Variants in RASSF1 observed in about 807,000 individuals in gnomAD.
RASSF1 encodes the protein Ras association domain family member 1.
A neutral mutation model predicts 34.3 loss-of-function variants in RASSF1; 33 were observed. The observed-to-expected ratio is 0.96, with a 90% confidence interval of 0.73 to 1.29. The LOEUF is 1.29. Ranked by LOEUF, RASSF1 falls within the 50% of genes most tolerant of loss-of-function variation. RASSF1 has a pLI of 0.00. For synonymous variants in RASSF1, 191 were observed against 195.0 expected, an observed-to-expected ratio of 0.98 and a Z score of 0.17; for missense variants, 445 against 471.8, an observed-to-expected ratio of 0.94 and a Z score of 0.53.
chr3:50,337,992 G>A lies in RASSF1; in HGVS notation c.270C>T (p.His90=), dbSNP rs960358485. ...GGCAGACGAGCGCGCGGCAGCGGTA[G>A]TGGCAGGTGAACTTGCAATCTGCAG... ...LQCAHCKFTC[H]YRCRALVCLD... The change falls in exon 2 of 6, where the codon CAC becomes CAT. Residue 90 remains histidine, a synonymous_variant. Transcript: ENST00000359365. 1 of 1,598,012 alleles carries A rather than the reference G, an allele frequency of 6.3e-7. No homozygotes were observed. The highest frequency in any genetic ancestry group is 1.3e-5 in the African/African-American group (1 of 74,860).
At position 50,335,103 on chromosome 3, in the gene RASSF1, C is replaced by T. The variant is rs587712541; in HGVS notation, c.357+2802G>A. Among the ~76,000 whole-genome samples the T allele has an allele frequency of 5.3e-5, 8 of 152,136 alleles. No homozygotes were observed. The South Asian group carries it at 1.7e-3, about 32-fold the overall frequency. On this transcript the variant is annotated intron_variant, in intron 2 of 5. Transcript: ENST00000359365. ...AGCTGGGATTACAGGTGCCTGCCAC[C>T]ACAACTGGCTAATTTTTTGTATTTT...
At chr3:50,338,271 A>C in intron 1 of RASSF1, 2 of 1,182,308 alleles carry the variant, frequency 1.7e-6, no homozygotes, top group Non-Finnish European at 2.1e-6. Context: ...CCCTTTCCTC[A>C]TTGGCAATTA....
At chr3:50,337,588 G>A in intron 2 of RASSF1, 10 of 1,311,878 alleles carry the variant, frequency 7.6e-6, no homozygotes, top group Non-Finnish European at 1.0e-5. Context: ...ACAGGGAACG[G>A]GGGCGGGTGC....
Position 50,331,753 on chromosome 3 carries a change from C to G in RASSF1, c.566G>C (p.Arg189Pro), listed in dbSNP as rs751478417. The change falls in exon 4 of 6, where the codon CGG becomes CCG. Residue 189 changes from arginine to proline, a missense_variant. Arg to Pro is a moderately radical substitution (Grantham distance 103). Transcript: ENST00000359365. Reference sequence around the variant, plus strand: ...ACTTGTGCCCCGTCCTGGGCCCCGCCGGGCATCCTGCAAGGAGGGTGGCTT... The same window carrying G: ...ACTTGTGCCCCGTCCTGGGCCCCGCGGGGCATCCTGCAAGGAGGGTGGCTT... ...SKKPPSLQDA[R>P]RGPGRGTSVR... 3.7e-6 allele frequency: 6 copies of G among 1,610,196 alleles called. No homozygotes were observed. The highest frequency in any genetic ancestry group is 3.4e-6 in the Non-Finnish European group (4 of 1,177,044).
intron 2 of RASSF1, chr3:50,337,652 A>T: frequency 1.1e-6 from 1 of 920,684 alleles, no homozygotes; most frequent in Non-Finnish European, 1.6e-6. Flanking sequence ...GAGGGCGGGA[A>T]GGTGCGGGAA....
chr3:50,336,930 G>C, intron 2 of RASSF1: 1 of 571,898 alleles, frequency 1.7e-6, no homozygotes. Context: ...CCATACAGCT[G>C]CTTTTTCCGT....
At chr3:50,337,019 GT>G (rs1210653839) in intron 2 of RASSF1, 18 of 1,096,150 alleles carry the variant, frequency 1.6e-5, no homozygotes, top group Non-Finnish European at 2.0e-5. Flanking sequence ...CTTACGCACG[GT>G]TCCGCGGGCA....
Position 50,337,965 on chromosome 3 carries a change from C to T in RASSF1, c.297G>A (p.Leu99=), listed in dbSNP as rs1703224966. 3.1e-6 allele frequency: 5 copies of T among 1,610,524 alleles called. No individual in the cohort carries two copies. Among genetic ancestry groups the T allele is most frequent in the African/African-American group, 1.3e-5 (1 of 75,000 alleles). Residue 99 remains leucine, a synonymous_variant, in exon 2 of 6, where the codon CTG becomes CTA. Coordinates refer to ENST00000359365, the MANE Select transcript of RASSF1 (RefSeq NM_007182.5). ...CHYRCRALVC[L]DCCGPRDLGW... The stretch of plus-strand genomic sequence containing the variant: ...CCAGGTCCCGGGGCCCGCAACAGTC[C>T]AGGCAGACGAGCGCGCGGCAGCGGT...
At position 50,331,680 on chromosome 3, in the gene RASSF1, G is replaced by GT; in HGVS notation, c.638dup (p.His213GlnfsTer12). ...CCCTTGTGCGTGACAGCACATGCAGGTGCTTGACAGCATCCTTGGGCAGGT... is the reference window on the plus strand; with the variant it reads ...CCCTTGTGCGTGACAGCACATGCAGGTTGCTTGACAGCATCCTTGGGCAGGT... On this transcript the variant is annotated frameshift_variant, in exon 4 of 6. Coordinates refer to ENST00000359365, the MANE Select transcript of RASSF1 (RefSeq NM_007182.5). LOFTEE classifies it high-confidence loss of function. The GT allele has an allele frequency of 6.2e-7, 1 of 1,613,386 alleles. No homozygotes were observed.
At chr3:50,337,151 G>A (rs965947686) in intron 2 of RASSF1, 15 of 1,591,204 alleles carry the variant, frequency 9.4e-6, no homozygotes, top group African/African-American at 1.3e-5. Context: ...CCTCCCGCCC[G>A]CCGGCACCCC....
chr3:50,337,046 C>A, intron 2 of RASSF1: 1 of 1,271,738 alleles, frequency 7.9e-7, no homozygotes, highest in Non-Finnish European at 1.0e-6. Context: ...CCGGCCAGGA[C>A]CCGCGGGGAG....
chr3:50,337,586 C>CG lies in RASSF1; in HGVS notation c.357+318dup, dbSNP rs1240795675. 3 of 1,316,718 alleles carry CG rather than the reference C, an allele frequency of 2.3e-6. No individual in the cohort carries two copies. The African/African-American group carries it at 4.4e-5, about 19-fold the overall frequency. The allele number at this position is 1,316,718 out of a possible 1,614,324, so 81.6% of individuals were successfully genotyped here. On this transcript the variant is annotated intron_variant, in intron 2 of 5. Transcript: ENST00000359365. ...CACAGACCCCACCTACCACAGGGAA[C>CG]GGGGGCGGGTGCCAGCGTCCGGGCA...
chr3:50,334,721 C>G (rs1478543325), intron 2 of RASSF1, among the ~76,000 whole-genome samples: 1 of 152,200 alleles, frequency 6.6e-6, no homozygotes, highest in African/African-American at 2.4e-5. Flanking sequence ...CCAGCCCCTT[C>G]CCTTCTGGTG....
rs1238165268 is a variant in RASSF1, at chr3:50,340,670, G to A, written c.136C>T (p.Leu46=). ...AAGCGGTGGCCACGGCCAGGGACCA[G>A]CTGCCGTGTGGGGTTGCACGCGGTG... ...RGTACNPTRQ[L]VPGRGHRFQP... The change falls in exon 1 of 6, where the codon CTG becomes TTG. Residue 46 remains leucine (L), a synonymous_variant. Transcript: ENST00000359365. 2.0e-6 allele frequency: 3 copies of A among 1,533,890 alleles called. No homozygotes were observed. The highest frequency in any genetic ancestry group is 2.6e-6 in the Non-Finnish European group (3 of 1,150,654).
At chr3:50,337,193 G>A (rs751615589) in intron 2 of RASSF1, 1 of 1,612,062 alleles carries the variant, frequency 6.2e-7, no homozygotes, top group Non-Finnish European at 8.5e-7. Flanking sequence ...CGCGGCCTGC[G>A]AGCTAGCGAG....
chr3:50,338,597 A>G (rs1703252362), intron 1 of RASSF1, among the ~76,000 whole-genome samples: 1 of 152,310 alleles, frequency 6.6e-6, no homozygotes, highest in South Asian at 2.1e-4. Flanking sequence ...GGGAACGTAT[A>G]TGGAATACAT....
rs1702956740 is a variant in RASSF1, at chr3:50,331,812, C to T, written c.507G>A (p.Lys169=). Residue 169 remains lysine, a synonymous_variant, in exon 4 of 6, where the codon AAG becomes AAA. Coordinates refer to ENST00000359365, the MANE Select transcript of RASSF1 (RefSeq NM_007182.5). ...SYTGFIKVQL[K]LVRPVSVPSS... ...AGGGCACAGAGACAGGGCGCACCAG[C>T]TTCAGCTGAACCTTGATGAAGCCTG... is the stretch of plus-strand genomic sequence containing the variant. The T allele has an allele frequency of 1.3e-6, 2 of 1,591,036 alleles. No individual in the cohort carries two copies. Among genetic ancestry groups the T allele is most frequent in the South Asian group, 2.2e-5 (2 of 90,014 alleles).
Position 50,331,402 on chromosome 3 carries a change from G to C in RASSF1, c.808C>G (p.Leu270Val), listed in dbSNP as rs752722747. ...LDDEQPLRLR[L>V]LAGPSDKALS... Reference sequence around the variant, plus strand: ...GCCTTGTCACTGGGCCCTGCCAGGAGCCGCAGCCGCAGGGGCTGCTCATCA... The same window carrying C: ...GCCTTGTCACTGGGCCCTGCCAGGACCCGCAGCCGCAGGGGCTGCTCATCA... The change falls in exon 5 of 6, where the codon CTC (leucine) becomes GTC (valine). Residue 270 changes from leucine (L) to valine (V), a missense_variant. Physicochemically the swap from Leu to Val is conservative, Grantham distance 32 (BLOSUM62 1). Transcript: ENST00000359365. The C allele has an allele frequency of 4.4e-6, 7 of 1,606,510 alleles. No homozygotes were observed. Among genetic ancestry groups the C allele is most frequent in the Non-Finnish European group, 6.0e-6 (7 of 1,175,114 alleles).
Position 50,340,769 on chromosome 3 carries a change from G to C in RASSF1, c.37C>G (p.Leu13Val). Residue 13 changes from leucine to valine, a missense_variant, in exon 1 of 6, where the codon CTG (leucine) becomes GTG (valine). By Grantham distance (32) the Leu-to-Val change is conservative. Transcript: ENST00000359365. ...GEPELIELRELAPAGRAGKGR... is the reference protein window; with the variant it reads ...GEPELIELREVAPAGRAGKGR... ...TTCCCAGCGCGCCCAGCGGGTGCCA[G>C]CTCCCGCAGCTCAATGAGCTCAGGC... 1.3e-6 allele frequency: 2 copies of C among 1,512,672 alleles called. No homozygotes were observed. The highest frequency in any genetic ancestry group is 1.8e-6 in the Non-Finnish European group (2 of 1,140,346). 93.7% of individuals were successfully genotyped at this position (1,512,672 alleles called of 1,614,324 possible).
Sources: gnomAD v4.1 joint callset for allele counts (sites outside exome capture counted in the v4.1 genomes callset) on GRCh38, gnomAD v4.1.1 for gene constraint, MANE v1.5 for transcripts, NCBI Gene and HGNC (gene_info 2026-07-23, HGNC 2026-07-21) for gene names.